The following PTPRM variants were observed in gnomAD, a reference collection of about 807,000 sequenced individuals.
The protein encoded by PTPRM is protein tyrosine phosphatase receptor type M, also known as receptor-type tyrosine-protein phosphatase mu.
Under a neutral mutation model 186.7 loss-of-function variants are expected in PTPRM, and 47 were observed. That is an observed-to-expected ratio of 0.25 (90% confidence interval 0.20 to 0.32). The LOEUF (loss-of-function observed/expected upper bound fraction) is 0.32, where lower values mean the gene tolerates loss of function less well. PTPRM is among the 10% of genes least tolerant of loss of function. The pLI is 1.00. For synonymous variants in PTPRM, 668 were observed against 674.9 expected (o/e 0.99, Z 0.16); for missense variants, 1,494 against 1,865.0 (o/e 0.80, Z 3.66).
chr18:8,387,945 GAA>G (rs11351770), intron 31 of PTPRM, among the ~76,000 whole-genome samples: 149 of 143,424 alleles, frequency 1.0e-3, no homozygotes, highest in Non-Finnish European at 1.0e-3. Context: ...AGCTTTACAT[GAA>G]AAAAAAAAAA....
Position 8,406,362 on chromosome 18 carries a change from A to G in PTPRM, c.*200A>G. On this transcript the variant is annotated 3_prime_UTR_variant, in exon 33 of 33. Coordinates refer to ENST00000580170, the MANE Select transcript of PTPRM (RefSeq NM_001105244.2). ...TAATGCTGCTGCCTGACAGAAACAC[A>G]CACACAGCCACAGTTGCCAAATCCC... is the stretch of plus-strand genomic sequence containing the variant. The G allele has an allele frequency of 1.7e-6, 1 of 574,278 alleles. No homozygotes were observed. The highest frequency in any genetic ancestry group is 3.1e-6 in the Non-Finnish European group (1 of 325,096). 35.6% of individuals were successfully genotyped at this position (574,278 alleles called of 1,614,324 possible).
At chr18:7,615,602 C>T (rs1372129603) in intron 1 of PTPRM, among the ~76,000 whole-genome samples, 2 of 152,246 alleles carry the variant, frequency 1.3e-5, no homozygotes, top group African/African-American at 4.8e-5. Context: ...CTTCTGTCTT[C>T]TCTTGAGAAG....
At chr18:7,858,323 G>A (rs1599100874) in intron 2 of PTPRM, among the ~76,000 whole-genome samples, 3 of 152,080 alleles carry the variant, frequency 2.0e-5, no homozygotes, top group Admixed American at 6.6e-5. Context: ...TTGGGAGGCC[G>A]AGGTGGGAGG....
intron 7 of PTPRM, among the ~76,000 whole-genome samples, chr18:8,063,042 C>T (rs1303831333): frequency 2.6e-5 from 4 of 150,962 alleles, no homozygotes; most frequent in South Asian, 2.1e-4. Context: ...CAATGGCGGG[C>T]GCCCCTCCCC....
intron 13 of PTPRM, among the ~76,000 whole-genome samples, chr18:8,137,308 CA>C (rs1395814824): frequency 1.3e-5 from 2 of 152,116 alleles, no homozygotes; most frequent in African/African-American, 4.8e-5. Context: ...GTTTGTTGCT[CA>C]GGTTCAATTC....
chr18:8,380,235 C>G, intron 28 of PTPRM, 61 bp from the exon 29 acceptor site: 1 of 1,554,282 alleles, frequency 6.4e-7, no homozygotes. Flanking sequence ...ATGAAATAAC[C>G]TAGCTTCTTC....
intron 21 of PTPRM, among the ~76,000 whole-genome samples, chr18:8,316,837 G>T (rs1568733500): frequency 6.6e-6 from 1 of 152,172 alleles, no homozygotes; most frequent in Non-Finnish European, 1.5e-5. Flanking sequence ...AAGGTAGCAA[G>T]TGAGCAAGGA....
intron 1 of PTPRM, among the ~76,000 whole-genome samples, chr18:7,628,436 TC>T (rs1460155639): frequency 6.6e-6 from 1 of 152,242 alleles, no homozygotes; most frequent in Non-Finnish European, 1.5e-5. Flanking sequence ...ACGATAACTT[TC>T]TGAAAATTGC....
chr18:7,699,858 G>A (rs2039923330), intron 1 of PTPRM, among the ~76,000 whole-genome samples: 2 of 151,648 alleles, frequency 1.3e-5, no homozygotes, highest in Non-Finnish European at 2.9e-5. Flanking sequence ...ATTTACACTT[G>A]CAATCCATCT....
intron 1 of PTPRM, among the ~76,000 whole-genome samples, chr18:7,686,570 C>CA (rs34267435): frequency 0.11 from 15,183 of 135,966 alleles, 765 homozygotes; most frequent in South Asian, 0.17. Context: ...AACGGATTGC[C>CA]AAAAAAAAAA....
At position 8,344,817 on chromosome 18, in the gene PTPRM, G is replaced by A. The variant is rs148982308; in HGVS notation, c.3054+1297G>A. Among the ~76,000 whole-genome samples the A allele has an allele frequency of 2.6e-4, 39 of 152,016 alleles. 1 individual carries two copies. The South Asian group carries it at 3.8e-3, about 15-fold the overall frequency. On this transcript the variant is annotated intron_variant, in intron 23 of 32. Transcript: ENST00000580170. The stretch of plus-strand genomic sequence containing the variant: ...TGAGGGCAGGAAATAATGTGGACAC[G>A]TACAATGCTAAGAATTTAGATGTTG...
chr18:8,151,697 A>G (rs866282236), intron 14 of PTPRM, among the ~76,000 whole-genome samples: 3 of 151,062 alleles, frequency 2.0e-5, no homozygotes, highest in South Asian at 4.2e-4. Flanking sequence ...GTATGGAAAA[A>G]AAAAAAAAAA....
intron 3 of PTPRM, among the ~76,000 whole-genome samples, chr18:7,902,564 G>A (rs553390954): frequency 6.6e-6 from 1 of 152,152 alleles, no homozygotes; most frequent in African/African-American, 2.4e-5. Flanking sequence ...TGTGTTTATT[G>A]AATCTGTCAT....
chr18:7,604,716 C>G (rs7230088), intron 1 of PTPRM, among the ~76,000 whole-genome samples: 7,804 of 152,234 alleles, frequency 0.051, 697 homozygotes, highest in African/African-American at 0.18. Context: ...CAGAAAGGGC[C>G]ACAGAGGCTT....
chr18:8,168,127 A>G (rs997116529), intron 14 of PTPRM, among the ~76,000 whole-genome samples: 3 of 152,264 alleles, frequency 2.0e-5, no homozygotes, highest in Non-Finnish European at 4.4e-5. Flanking sequence ...TGGCATTAGT[A>G]TGCCTTTTTT....
chr18:7,885,098 G>T (rs1156244075), intron 2 of PTPRM, among the ~76,000 whole-genome samples: 1 of 151,930 alleles, frequency 6.6e-6, no homozygotes, highest in Non-Finnish European at 1.5e-5. Context: ...CTCTGGCACA[G>T]ACCCCATGAG....
intron 14 of PTPRM, among the ~76,000 whole-genome samples, chr18:8,190,883 TA>T (rs1469872689): frequency 2.0e-5 from 3 of 152,210 alleles, no homozygotes; most frequent in African/African-American, 4.8e-5. Flanking sequence ...TTCCTCTTAA[TA>T]AAAAAAATTG....
chr18:7,645,659 A>G (rs2038544170), intron 1 of PTPRM, among the ~76,000 whole-genome samples: 1 of 152,182 alleles, frequency 6.6e-6, no homozygotes, highest in Non-Finnish European at 1.5e-5. Flanking sequence ...TTTGGCTGTG[A>G]GACCAATAAT....
intron 1 of PTPRM, among the ~76,000 whole-genome samples, chr18:7,606,272 C>T (rs185663991): frequency 1.8e-3 from 267 of 152,176 alleles, no homozygotes; most frequent in African/African-American, 6.2e-3. Flanking sequence ...TTAGGATCTG[C>T]ACAGGTCCAG....
Sources: allele counts gnomAD v4.1 joint callset (sites outside exome capture counted in the v4.1 genomes callset), GRCh38; gene constraint gnomAD v4.1.1; transcripts MANE v1.5; gene names NCBI Gene and HGNC (gene_info 2026-07-23, HGNC 2026-07-21).